The following CREB3L1 variants were observed in gnomAD, a reference collection of about 807,000 sequenced individuals.
The protein encoded by CREB3L1 is cAMP responsive element binding protein 3 like 1.
A neutral mutation model predicts 54.5 loss-of-function variants in CREB3L1; 33 were observed. The ratio of observed to expected loss-of-function variants is 0.61; its 90% confidence interval spans 0.46 to 0.81. The LOEUF is 0.81. Among genes scored for constraint, CREB3L1 ranks in the 30% least tolerant of loss-of-function variants. The probability of loss-of-function intolerance (pLI) is 0.00; values close to 1 mark genes in which losing one functional copy is unlikely to be tolerated. For synonymous variants in CREB3L1, 284 were observed against 286.4 expected, an observed-to-expected ratio of 0.99 and a Z score of 0.08; for missense variants, 656 against 673.3, an observed-to-expected ratio of 0.97 and a Z score of 0.29.
chr11:46,282,961 G>A (rs779600853), intron 1 of CREB3L1, among the ~76,000 whole-genome samples: 13 of 152,164 alleles, frequency 8.5e-5, no homozygotes, highest in Non-Finnish European at 1.3e-4. Flanking sequence ...ACCAAGGTAG[G>A]AGGATTGCTT....
At chr11:46,301,248 C>T (rs1939297804) in intron 2 of CREB3L1, among the ~76,000 whole-genome samples, 2 of 151,702 alleles carry the variant, frequency 1.3e-5, no homozygotes, top group Admixed American at 1.3e-4. Flanking sequence ...GACTGAGGCA[C>T]AAGAACTGCT....
chr11:46,293,628 G>A (rs1257575284), intron 1 of CREB3L1, among the ~76,000 whole-genome samples: 1 of 152,234 alleles, frequency 6.6e-6, no homozygotes, highest in Non-Finnish European at 1.5e-5. Context: ...GCAAAGAAAA[G>A]CTCAGTCCCC....
chr11:46,288,207 G>A (rs900489275), intron 1 of CREB3L1, among the ~76,000 whole-genome samples: 17 of 151,874 alleles, frequency 1.1e-4, no homozygotes, highest in East Asian at 1.9e-4. Flanking sequence ...TCAGTCTCCC[G>A]AGTAGCTGGG....
chr11:46,317,567 A>G (rs903969685), intron 10 of CREB3L1, 80 bp downstream of exon 10: 5 of 1,551,986 alleles, frequency 3.2e-6, no homozygotes, highest in Admixed American at 1.8e-5. Context: ...GAAGCCAGAC[A>G]TAAGAGAGAA....
At chr11:46,312,112 T>C (rs1939495358) in intron 5 of CREB3L1, among the ~76,000 whole-genome samples, 1 of 152,120 alleles carries the variant, frequency 6.6e-6, no homozygotes, top group African/African-American at 2.4e-5. Context: ...TCCCGAACAA[T>C]GCACTAAGAG....
At chr11:46,289,058 C>A (rs909648375) in intron 1 of CREB3L1, among the ~76,000 whole-genome samples, 8 of 152,138 alleles carry the variant, frequency 5.3e-5, no homozygotes, top group African/African-American at 1.9e-4. Flanking sequence ...ATGCTGGGCC[C>A]TGTTTGAGGC....
chr11:46,310,410 G>A (rs1055023784), intron 4 of CREB3L1, among the ~76,000 whole-genome samples: 1 of 151,984 alleles, frequency 6.6e-6, no homozygotes, highest in Non-Finnish European at 1.5e-5. Context: ...TGGGATTACA[G>A]GTGCCCACCA....
chr11:46,314,997 C>T (rs1172561813), intron 8 of CREB3L1, among the ~76,000 whole-genome samples: 1 of 152,206 alleles, frequency 6.6e-6, no homozygotes, highest in Non-Finnish European at 1.5e-5. Context: ...GCGTGAGCCA[C>T]CACACCCCAC....
At chr11:46,279,288 A>G (rs2136331870) in intron 1 of CREB3L1, among the ~76,000 whole-genome samples, 1 of 152,134 alleles carries the variant, frequency 6.6e-6, no homozygotes, top group African/African-American at 2.4e-5. Flanking sequence ...AGAGGACTTG[A>G]GCATCTTGGA....
chr11:46,283,211 C>T (rs1245572409), intron 1 of CREB3L1, among the ~76,000 whole-genome samples: 2 of 151,838 alleles, frequency 1.3e-5, no homozygotes, highest in Non-Finnish European at 2.9e-5. Flanking sequence ...AATAATAATA[C>T]AAATTTAAAA....
At chr11:46,308,912 G>A (rs1263651944) in intron 3 of CREB3L1, among the ~76,000 whole-genome samples, 1 of 152,242 alleles carries the variant, frequency 6.6e-6, no homozygotes, top group African/African-American at 2.4e-5. Flanking sequence ...AAGGGATGGA[G>A]TGACAGCAGC....
chr11:46,302,569 C>T (rs1939319359), intron 2 of CREB3L1, among the ~76,000 whole-genome samples: 1 of 152,172 alleles, frequency 6.6e-6, no homozygotes. Context: ...TAACAATAAA[C>T]ATTTCTATAG....
chr11:46,295,523 G>C lies in CREB3L1; in HGVS notation c.103-4412G>C, dbSNP rs1003182775. On this transcript the variant is annotated intron_variant, in intron 1 of 11. Coordinates refer to ENST00000621158, the MANE Select transcript of CREB3L1 (RefSeq NM_052854.4). The surrounding 1 kb of genome is among the most constrained non-coding windows in gnomAD (Gnocchi z 4.6). ...TCTGCCTCGGCCCCAGACGCAGAAG[G>C]GGTCCCATGCAGGCCCGAGCCAGTG... Among the ~76,000 whole-genome samples, 9 of 152,202 alleles carry C rather than the reference G, an allele frequency of 5.9e-5. No homozygotes were observed. The highest frequency in any genetic ancestry group is 2.1e-4 in the South Asian group (1 of 4,838).
intron 5 of CREB3L1, among the ~76,000 whole-genome samples, chr11:46,311,910 C>T (rs967055530): frequency 6.6e-6 from 1 of 152,178 alleles, no homozygotes; most frequent in Non-Finnish European, 1.5e-5. Context: ...CTCCAAGGAG[C>T]GCTGTGTGAG....
intron 1 of CREB3L1, among the ~76,000 whole-genome samples, chr11:46,279,155 G>T (rs1452772199): frequency 3.9e-5 from 6 of 152,062 alleles, no homozygotes; most frequent in Admixed American, 3.9e-4. Flanking sequence ...AGTTGCGTGT[G>T]CATGCCTGTT....
At chr11:46,314,710 C>CTTTT (rs199547974) in intron 8 of CREB3L1, among the ~76,000 whole-genome samples, 1 of 141,496 alleles carries the variant, frequency 7.1e-6, no homozygotes, top group African/African-American at 2.6e-5. Context: ...TTTTTATTTA[C>CTTTT]TTTTTTTTTT....
intron 3 of CREB3L1, among the ~76,000 whole-genome samples, chr11:46,309,702 T>C (rs1469890531): frequency 6.6e-6 from 1 of 152,238 alleles, no homozygotes; most frequent in African/African-American, 2.4e-5. Context: ...CTGTGTGGCC[T>C]TCACAGTTGG....
intron 2 of CREB3L1, among the ~76,000 whole-genome samples, chr11:46,305,988 T>G (rs982836671): frequency 1.3e-5 from 2 of 151,994 alleles, no homozygotes; most frequent in African/African-American, 4.8e-5. Context: ...CCGCCCGTCT[T>G]AGCCTCCCAA....
intron 2 of CREB3L1, among the ~76,000 whole-genome samples, chr11:46,305,142 C>T (rs1939361228): frequency 2.0e-5 from 3 of 152,156 alleles, no homozygotes; most frequent in Admixed American, 2.0e-4. Flanking sequence ...TCTCCCCTGT[C>T]TTACCCGCTG....
Sources: gnomAD v4.1 joint callset for allele counts (sites outside exome capture counted in the v4.1 genomes callset) on GRCh38, gnomAD v4.1.1 for gene constraint, Gnocchi (gnomAD v3.1) non-coding constraint, MANE v1.5 for transcripts, NCBI Gene and HGNC (gene_info 2026-07-23, HGNC 2026-07-21) for gene names.